Variants in SNTG1 observed in about 807,000 individuals in gnomAD.
SNTG1 encodes the protein syntrophin gamma 1.
A neutral mutation model predicts 74.7 loss-of-function variants in SNTG1; 39 were observed. That is an observed-to-expected ratio of 0.52 (90% CI 0.40 to 0.68). SNTG1 has a LOEUF of 0.68. Among genes scored for constraint, SNTG1 ranks in the 30% least tolerant of loss-of-function variants. The pLI, the probability that SNTG1 is intolerant of heterozygous loss-of-function variation, is 0.00. For missense variants in SNTG1, 685 were observed against 609.5 expected (o/e 1.12, Z -1.30); for synonymous variants, 254 against 217.1 (o/e 1.17, Z -1.49).
At chr8:50,419,222 C>A (rs139296965) in intron 4 of SNTG1, among the ~76,000 whole-genome samples, 2 of 152,178 alleles carry the variant, frequency 1.3e-5, no homozygotes, top group Admixed American at 1.3e-4. Context: ...GGCAGCTTAA[C>A]AAGAAAATAA....
intron 4 of SNTG1, among the ~76,000 whole-genome samples, chr8:50,417,071 C>G (rs1397770554): frequency 6.6e-6 from 1 of 151,884 alleles, no homozygotes; most frequent in African/African-American, 2.4e-5. Flanking sequence ...GGTTTTAAAC[C>G]CACTGGAAAA....
intron 11 of SNTG1, among the ~76,000 whole-genome samples, chr8:50,552,437 G>A (rs2094432622): frequency 6.6e-6 from 1 of 152,174 alleles, no homozygotes; most frequent in South Asian, 2.1e-4. Context: ...AAAGTTTAAT[G>A]TTAATGAAAT....
Position 50,587,041 on chromosome 8 carries a change from T to A in SNTG1, c.811-3838T>A, listed in dbSNP as rs536605149. ...TCATACACATATGTCTACTTATGTATGCACATTAAACATAAAATCAATTTC... is the reference window on the plus strand; with the variant it reads ...TCATACACATATGTCTACTTATGTAAGCACATTAAACATAAAATCAATTTC... On this transcript the variant is annotated intron_variant, in intron 12 of 18. Transcript: ENST00000642720. 2.0e-3 allele frequency among the ~76,000 whole-genome samples: 301 copies of A among 152,194 alleles called. 1 individual carries two copies. The highest frequency in any genetic ancestry group is 3.6e-3 in the Non-Finnish European group (246 of 67,986).
chr8:50,529,365 G>T (rs310577), intron 9 of SNTG1, among the ~76,000 whole-genome samples: 56,860 of 151,686 alleles, frequency 0.37, 13,525 homozygotes, highest in African/African-American at 0.68. Context: ...AACAATATCT[G>T]TTTTTTAGCA....
chr8:50,241,526 TAAAGAGC>T (rs2086162268), intron 2 of SNTG1, among the ~76,000 whole-genome samples: 1 of 152,128 alleles, frequency 6.6e-6, no homozygotes, highest in South Asian at 2.1e-4. Context: ...GGGGCTGGAG[TAAAGAGC>T]AGTTATTTAG....
intron 2 of SNTG1, 96 bp from the exon 3 acceptor site, chr8:50,394,116 C>T: frequency 1.1e-6 from 1 of 899,206 alleles, no homozygotes; most frequent in South Asian, 1.8e-5. Context: ...CACAGTTTTC[C>T]CACAAGTTCT....
intron 1 of SNTG1, among the ~76,000 whole-genome samples, chr8:49,957,361 G>A (rs1264069042): frequency 6.6e-6 from 1 of 152,202 alleles, no homozygotes; most frequent in African/African-American, 2.4e-5. Context: ...CCAATGAAAT[G>A]AATTCATTTT....
At chr8:50,233,649 C>T (rs1442847891) in intron 2 of SNTG1, among the ~76,000 whole-genome samples, 1 of 151,036 alleles carries the variant, frequency 6.6e-6, no homozygotes, top group Non-Finnish European at 1.5e-5. Flanking sequence ...AGCTTCAAAC[C>T]ACAAACCTGA....
intron 13 of SNTG1, among the ~76,000 whole-genome samples, chr8:50,610,738 G>A (rs373664164): frequency 6.6e-6 from 1 of 152,138 alleles, no homozygotes; most frequent in African/African-American, 2.4e-5. Flanking sequence ...GCTGAGAGTA[G>A]GGGTGGAAAA....
At chr8:50,169,305 T>G (rs2082729611) in intron 1 of SNTG1, among the ~76,000 whole-genome samples, 1 of 152,250 alleles carries the variant, frequency 6.6e-6, no homozygotes, top group South Asian at 2.1e-4. Flanking sequence ...TAGTGTATTT[T>G]TAAAACTCAC....
At chr8:50,713,663 T>C (rs1224944303) in intron 17 of SNTG1, among the ~76,000 whole-genome samples, 1 of 152,190 alleles carries the variant, frequency 6.6e-6, no homozygotes, top group East Asian at 1.9e-4. Flanking sequence ...TACGTTTAAG[T>C]CTTTAATCCA....
chr8:50,398,225 T>C (rs1385872183), intron 3 of SNTG1, among the ~76,000 whole-genome samples: 1 of 152,254 alleles, frequency 6.6e-6, no homozygotes, highest in African/African-American at 2.4e-5. Flanking sequence ...TTAGAACACA[T>C]AACAGTGAAC....
chr8:50,716,733 C>CTT (rs5891386), intron 17 of SNTG1, among the ~76,000 whole-genome samples: 147 of 147,756 alleles, frequency 9.9e-4, no homozygotes, highest in Non-Finnish European at 1.0e-3. Flanking sequence ...CTTTCTTATT[C>CTT]TTTTTTTTTT....
intron 9 of SNTG1, among the ~76,000 whole-genome samples, chr8:50,517,874 A>G (rs1233048312): frequency 6.6e-6 from 1 of 152,150 alleles, no homozygotes; most frequent in Non-Finnish European, 1.5e-5. Flanking sequence ...TTAACACCCC[A>G]CTGTCAATAT....
intron 15 of SNTG1, among the ~76,000 whole-genome samples, chr8:50,678,341 G>T (rs1042381888): frequency 2.6e-5 from 4 of 151,988 alleles, no homozygotes; most frequent in Admixed American, 6.6e-5. Flanking sequence ...AGAAAGTGAA[G>T]ATTACAGATA....
At chr8:50,328,448 G>C (rs560350714) in intron 2 of SNTG1, among the ~76,000 whole-genome samples, 30 of 152,266 alleles carry the variant, frequency 2.0e-4, no homozygotes, top group African/African-American at 7.0e-4. Context: ...CTACAGTTCT[G>C]CATGGCTGGG....
intron 2 of SNTG1, among the ~76,000 whole-genome samples, chr8:50,188,866 C>G (rs1251321108): frequency 6.6e-6 from 1 of 152,130 alleles, no homozygotes; most frequent in African/African-American, 2.4e-5. Context: ...TCACCTGTAG[C>G]AACCCTCTCT....
chr8:50,780,591 T>C (rs1042363840), intron 18 of SNTG1, among the ~76,000 whole-genome samples: 11 of 152,216 alleles, frequency 7.2e-5, no homozygotes, highest in Non-Finnish European at 1.6e-4. Context: ...GATTCTTCTC[T>C]CTTTTCTTCT....
intron 1 of SNTG1, among the ~76,000 whole-genome samples, chr8:50,034,213 T>C (rs965918416): frequency 1.3e-5 from 2 of 152,192 alleles, no homozygotes; most frequent in African/African-American, 4.8e-5. Flanking sequence ...AATTGGATCA[T>C]CAAATTTTTT....
Sources: allele counts gnomAD v4.1 joint callset (sites outside exome capture counted in the v4.1 genomes callset), GRCh38; gene constraint gnomAD v4.1.1; transcripts MANE v1.5; gene names NCBI Gene and HGNC (gene_info 2026-07-23, HGNC 2026-07-21).